Variants in FREM1 observed in about 807,000 individuals in gnomAD.
FREM1 encodes the protein FRAS1 related extracellular matrix 1, also known as FRAS1-related extracellular matrix protein 1.
A neutral mutation model predicts 210.1 loss-of-function variants in FREM1; 220 were observed. That is an observed-to-expected ratio of 1.05 (90% CI 0.94 to 1.17). FREM1 has a LOEUF of 1.17. Among genes scored for constraint, FREM1 ranks in the 50% most tolerant of loss-of-function variants. The probability of loss-of-function intolerance (pLI) is 0.00; values close to 1 mark genes in which losing one functional copy is unlikely to be tolerated. For missense variants in FREM1, 3,454 were observed against 2,675.5 expected (o/e 1.29, Z -6.42); for synonymous variants, 1,189 against 980.2 (o/e 1.21, Z -3.98).
At chr9:14,782,397 A>T (rs1408549807) in intron 24 of FREM1, 1 of 968,166 alleles carries the variant, frequency 1.0e-6, no homozygotes, top group Non-Finnish European at 1.2e-6. Flanking sequence ...ATCTTTATGC[A>T]TTCAGTCCTG....
chr9:14,770,794 C>G lies in FREM1; in HGVS notation c.4870G>C (p.Asp1624His), dbSNP rs1371991436. 3 of 1,611,574 alleles carry G rather than the reference C, an allele frequency of 1.9e-6. No homozygotes were observed. Among genetic ancestry groups the G allele is most frequent in the Non-Finnish European group, 2.5e-6 (3 of 1,178,786 alleles). The change falls in exon 26 of 37, where the codon GAC becomes CAC. Residue 1624 changes from aspartate to histidine, a missense_variant. By Grantham distance (81) the Asp-to-His change is moderately conservative. Transcript: ENST00000380880. The part of the protein sequence containing the change: ...VLFTIQVDQL[D>H]KTAPRITLLH... Reference sequence around the variant, plus strand: ...AGTGTGATACGAGGAGCTGTTTTGTCCAATTGGTCTACCTGGATCATCAAC... The same window carrying G: ...AGTGTGATACGAGGAGCTGTTTTGTGCAATTGGTCTACCTGGATCATCAAC...
intron 2 of FREM1, 94 bp downstream of exon 2, chr9:14,868,650 G>A: frequency 1.3e-6 from 1 of 797,214 alleles, no homozygotes; most frequent in South Asian, 1.6e-5. Context: ...GGCTTGAGGG[G>A]AGACATTTTA....
At chr9:14,846,208 AGGGACATGGATGAAAC>A (rs1826579361) in intron 7 of FREM1, 117 bp from the exon 8 acceptor site, 4 of 779,782 alleles carry the variant, frequency 5.1e-6, no homozygotes, top group Admixed American at 2.8e-5. Context: ...TGCCCTTTGC[AGGGACATGGATGAAAC>A]TGGAAACCAT....
At position 14,910,008 on chromosome 9, in the gene FREM1, G is replaced by A. The variant is rs560009119; in HGVS notation, c.-362C>T. The A allele has an allele frequency of 3.3e-5, 5 of 152,362 alleles. No individual in the cohort carries two copies. Among genetic ancestry groups the A allele is most frequent in the African/African-American group, 9.6e-5 (4 of 41,586 alleles). 9.4% of individuals were successfully genotyped at this position (152,362 alleles called of 1,614,324 possible). ...CTGACACAGCAATCTGGTTTAAAGG[G>A]CTTTGAGAGGAAGGGGGAGGAAAAA... is the stretch of plus-strand genomic sequence containing the variant. On this transcript the variant is annotated 5_prime_UTR_variant, in exon 1 of 37. Coordinates refer to ENST00000380880, the MANE Select transcript of FREM1 (RefSeq NM_001379081.2).
chr9:14,748,446 T>G lies in FREM1; in HGVS notation c.5751A>C (p.Thr1917=). The change falls in exon 31 of 37, where the codon ACA becomes ACC. Residue 1917 remains threonine (T), a synonymous_variant. Coordinates refer to ENST00000380880, the MANE Select transcript of FREM1 (RefSeq NM_001379081.2). The part of the protein sequence containing the change: ...RGDTLRGFDS[T]DLSQRKLRTR... The stretch of plus-strand genomic sequence containing the variant: ...TCCTAAGCTTCCTTTGAGAAAGATC[T>G]GTAGAATCAAAGCCCCGCAGGGTGT... 1 of 1,613,688 alleles carries G rather than the reference T, an allele frequency of 6.2e-7. No individual in the cohort carries two copies. The highest frequency in any genetic ancestry group is 1.3e-5 in the African/African-American group (1 of 75,034).
chr9:14,818,613 G>C (rs1198761443), intron 14 of FREM1, among the ~76,000 whole-genome samples: 1 of 152,186 alleles, frequency 6.6e-6, no homozygotes, highest in Non-Finnish European at 1.5e-5. Context: ...TTGTAGGAAA[G>C]TTTCTTACAG....
At chr9:14,855,716 A>G (rs1828607889) in intron 5 of FREM1, among the ~76,000 whole-genome samples, 1 of 152,116 alleles carries the variant, frequency 6.6e-6, no homozygotes, top group South Asian at 2.1e-4. Context: ...CTGTTTTATG[A>G]CATGCCAAAT....
At chr9:14,857,776 G>A (rs369939553) in intron 4 of FREM1, 27 bp from the exon 5 acceptor site, 3 of 1,515,176 alleles carry the variant, frequency 2.0e-6, no homozygotes, top group Admixed American at 2.0e-5. Context: ...TGGATTAAGA[G>A]AGTCACTTAA....
In FREM1 at chr9:14,781,648, T is replaced by C. The variant is rs373506601; in HGVS notation, c.4442+2722A>G. 6.3e-4 allele frequency among the ~76,000 whole-genome samples: 96 copies of C among 152,272 alleles called. No individual in the cohort carries two copies. In the South Asian group the frequency reaches 0.018, roughly 28 times the overall value. ...AACACACACACCTAAGTTCCATCAG[T>C]ACATTGGGCTGAAGGCCCCAGAATC... On this transcript the variant is annotated intron_variant, in intron 24 of 36. Coordinates refer to ENST00000380880, the MANE Select transcript of FREM1 (RefSeq NM_001379081.2).
At chr9:14,907,211 G>A (rs1817881792) in intron 1 of FREM1, among the ~76,000 whole-genome samples, 1 of 57,108 alleles carries the variant, frequency 1.8e-5, no homozygotes, top group African/African-American at 7.0e-5. Flanking sequence ...AGGCTATGTT[G>A]TCAAAAAGCA....
rs138873776 is a variant in FREM1 at position 14,769,316 on chromosome 9, T to A, written c.5204+408A>T. Among the ~76,000 whole-genome samples the A allele has an allele frequency of 4.4e-3, 676 of 152,306 alleles. 10 individuals are homozygous for A. The highest frequency in any genetic ancestry group is 0.031 in the South Asian group (150 of 4,826). On this transcript the variant is annotated intron_variant, in intron 27 of 36. Transcript: ENST00000380880. ...GTTTGGCTAACTCTTCTTGACTACC[T>A]CATTTCCCCGACTGCAGATATTTTA...
At chr9:14,752,710 T>C (rs762424581) in intron 29 of FREM1, among the ~76,000 whole-genome samples, 4 of 152,202 alleles carry the variant, frequency 2.6e-5, no homozygotes, top group Non-Finnish European at 5.9e-5. Context: ...AATATGATTA[T>C]TAGTACTTGG....
At chr9:14,832,734 T>G (rs954420385) in intron 10 of FREM1, among the ~76,000 whole-genome samples, 1 of 152,146 alleles carries the variant, frequency 6.6e-6, no homozygotes, top group Non-Finnish European at 1.5e-5. Context: ...TTCTCACCAG[T>G]TGGGCTTTTG....
At position 14,801,118 on chromosome 9, in the gene FREM1, C is replaced by G. The variant is rs578027500; in HGVS notation, c.3694+534G>C. Among the ~76,000 whole-genome samples, 4 of 152,318 alleles carry G rather than the reference C, an allele frequency of 2.6e-5. No individual in the cohort carries two copies. The South Asian group carries it at 8.3e-4, about 32-fold the overall frequency. The stretch of plus-strand genomic sequence containing the variant: ...GGCTCAAGCGATTTCGTGCCTCAGC[C>G]TCCTGAGTAGCTGGGATTACAGAAG... On this transcript the variant is annotated intron_variant, in intron 20 of 36. Transcript: ENST00000380880.
chr9:14,858,654 A>C (rs920732308), intron 4 of FREM1, among the ~76,000 whole-genome samples: 2 of 152,174 alleles, frequency 1.3e-5, no homozygotes, highest in African/African-American at 2.4e-5. Flanking sequence ...GTTTCTAGAG[A>C]GAACAGGAGG....
chr9:14,820,129 G>A (rs1264020634), intron 13 of FREM1, among the ~76,000 whole-genome samples: 1 of 152,200 alleles, frequency 6.6e-6, no homozygotes, highest in African/African-American at 2.4e-5. Flanking sequence ...TCACCTCATT[G>A]GGAGGGAGCA....
Position 14,740,146 on chromosome 9 carries a change from T to C in FREM1, c.6340+3A>G. The C allele has an allele frequency of 6.2e-7, 1 of 1,607,242 alleles. No homozygotes were observed. The highest frequency in any genetic ancestry group is 8.5e-7 in the Non-Finnish European group (1 of 1,174,456). ...CAGTGCAGCCTCCCTCCCAGATACT[T>C]GCCTATCCAAAAGGACTTTCTCCCA... is the stretch of plus-strand genomic sequence containing the variant. On this transcript the variant is annotated splice_donor_region_variant and intron_variant, in intron 36 of 36. Coordinates refer to ENST00000380880, the MANE Select transcript of FREM1 (RefSeq NM_001379081.2).
At chr9:14,745,758 A>G (rs1842302943) in intron 35 of FREM1, among the ~76,000 whole-genome samples, 2 of 152,224 alleles carry the variant, frequency 1.3e-5, no homozygotes. Context: ...GGATAGGTAC[A>G]TATGCATTTT....
intron 27 of FREM1, among the ~76,000 whole-genome samples, chr9:14,768,179 G>A (rs1341282056): frequency 6.6e-6 from 1 of 152,018 alleles, no homozygotes; most frequent in African/African-American, 2.4e-5. Context: ...CAGCTACACT[G>A]CGCTCACACA....
Sources: gnomAD v4.1 joint callset for allele counts (sites outside exome capture counted in the v4.1 genomes callset) on GRCh38, gnomAD v4.1.1 for gene constraint, MANE v1.5 for transcripts, NCBI Gene and HGNC (gene_info 2026-07-23, HGNC 2026-07-21) for gene names.